Variants in OGG1 observed in about 807,000 individuals in gnomAD.
The protein encoded by OGG1 is 8-oxoguanine DNA glycosylase.
A neutral mutation model predicts 42.3 loss-of-function variants in OGG1; 35 were observed. The ratio of observed to expected loss-of-function variants is 0.83; its 90% CI spans 0.63 to 1.10. The LOEUF (loss-of-function observed/expected upper bound fraction) is 1.10. Ranked by LOEUF, OGG1 falls within the 50% of genes least tolerant of loss-of-function variation. OGG1 has a pLI of 0.00. For missense variants in OGG1, 484 were observed against 446.7 expected (o/e 1.08, Z -0.75); for synonymous variants, 189 against 179.0 (o/e 1.06, Z -0.44).
At chr3:9,789,215 T>C (rs1366814240), downstream of OGG1, among the ~76,000 whole-genome samples, 1 of 152,138 alleles carries the variant, frequency 6.6e-6, no homozygotes, top group Non-Finnish European at 1.5e-5. Context: ...GCTGTTTGGA[T>C]AGAAGTTGAT....
At chr3:9,773,081 T>C (rs1559710480) in intron 2 of OGG1, among the ~76,000 whole-genome samples, 1 of 151,748 alleles carries the variant, frequency 6.6e-6, no homozygotes, top group Non-Finnish European at 1.5e-5. Flanking sequence ...ATACAAAAAT[T>C]AGCTGGGTGT....
chr3:9,757,982 G>GC (rs899360263), downstream of OGG1: 8 of 1,426,100 alleles, frequency 5.6e-6, no homozygotes, highest in Non-Finnish European at 6.5e-6. The surrounding 1 kb of genome is among the most constrained non-coding windows in gnomAD (Gnocchi z 4.5). Context: ...TTCCCCTAAA[G>GC]CCCCCCAAAA....
chr3:9,780,156 T>C (rs2078425931), intron 2 of OGG1: 2 of 506,340 alleles, frequency 3.9e-6, no homozygotes, highest in Non-Finnish European at 6.9e-6. Flanking sequence ...AGACTAGGCC[T>C]CAGGCTAGCC....
At chr3:9,766,201 A>G (rs62245635) in exon 8 of OGG1, 34,107 of 762,508 alleles carry the variant, frequency 0.045, 1,031 homozygotes, top group Non-Finnish European at 0.058. Context: ...CTTTGCCACC[A>G]CCTGGGGAGA....
chr3:9,789,891 C>T, downstream of OGG1: 1 of 1,614,224 alleles, frequency 6.2e-7, no homozygotes, highest in Non-Finnish European at 8.5e-7. Context: ...TTGGGGGGAG[C>T]TCCAAGTTCA....
At chr3:9,773,221 T>G (rs560167162) in intron 2 of OGG1, among the ~76,000 whole-genome samples, 1 of 136,362 alleles carries the variant, frequency 7.3e-6, no homozygotes. Flanking sequence ...ACGGCAAGAC[T>G]ACATCTCAAA....
At position 9,787,798 on chromosome 3, in the gene OGG1, AGACT is replaced by A. The variant is rs1329456816; in HGVS notation, c.*72_*75del. 6.0e-5 allele frequency: 61 copies of A among 1,015,006 alleles called. No homozygotes were observed. In the East Asian group the frequency reaches 7.7e-4, roughly 13 times the overall value. 62.9% of individuals were successfully genotyped at this position (1,015,006 alleles called of 1,614,324 possible). On this transcript the variant is annotated 3_prime_UTR_variant, in exon 4 of 4. Transcript: ENST00000426518. Reference sequence around the variant, plus strand: ...AAAGTGTTGTGGCAGCACAAAGGAGAGACTGACTAACTTTCTGCTGGGGAATCTG... The same window carrying A: ...AAAGTGTTGTGGCAGCACAAAGGAGAGACTAACTTTCTGCTGGGGAATCTG...
At chr3:9,750,916 G>A in intron 1 of OGG1, 29 bp from the exon 2 acceptor site, 1 of 1,613,436 alleles carries the variant, frequency 6.2e-7, no homozygotes, top group Non-Finnish European at 8.5e-7. Context: ...GAAATTGAGT[G>A]CCAGGGTTGT....
downstream of OGG1, chr3:9,789,839 C>T (rs1174966289): frequency 6.2e-7 from 1 of 1,614,252 alleles, no homozygotes; most frequent in East Asian, 2.2e-5. Context: ...CGGCCCATGT[C>T]CTGCCTTCCC....
downstream of OGG1, among the ~76,000 whole-genome samples, chr3:9,768,978 T>C (rs1312113879): frequency 6.6e-6 from 1 of 151,666 alleles, no homozygotes; most frequent in African/African-American, 2.4e-5. Context: ...TCCACACACA[T>C]CCCTGTAGCA....
intron 2 of OGG1, among the ~76,000 whole-genome samples, chr3:9,775,251 C>CA (rs1195360065): frequency 2.0e-5 from 3 of 151,562 alleles, no homozygotes; most frequent in Admixed American, 1.3e-4. Context: ...AAAAAAACCC[C>CA]AAAAAAACAA....
At chr3:9,750,668 C>G in intron 1 of OGG1, 1 of 701,818 alleles carries the variant, frequency 1.4e-6, no homozygotes, top group Non-Finnish European at 2.4e-6. Context: ...GAGACAGGGT[C>G]TCGCTCTGTT....
chr3:9,756,898 G>T, intron 6 of OGG1, 82 bp downstream of exon 6: 2 of 1,612,142 alleles, frequency 1.2e-6, no homozygotes, highest in East Asian at 4.5e-5. Context: ...GCCCCAGGTG[G>T]CCCTAAAGGA....
chr3:9,757,858 G>A (rs764657198), downstream of OGG1: 2 of 1,595,314 alleles, frequency 1.3e-6, no homozygotes, highest in Admixed American at 1.7e-5. The surrounding 1 kb of genome is among the most constrained non-coding windows in gnomAD (Gnocchi z 4.5). Context: ...TGGCATTGAA[G>A]GCATTGAAGG....
intron 4 of OGG1, among the ~76,000 whole-genome samples, chr3:9,755,878 A>G (rs868861030): frequency 1.3e-5 from 2 of 152,064 alleles, no homozygotes; most frequent in Admixed American, 1.3e-4. Flanking sequence ...ATTCTCAGCC[A>G]TGTGACTTTG....
intron 3 of OGG1, among the ~76,000 whole-genome samples, chr3:9,785,926 C>T (rs886313033): frequency 1.3e-5 from 2 of 150,672 alleles, no homozygotes. Flanking sequence ...TCACACACTC[C>T]TCCTTGTTTT....
intron 7 of OGG1, among the ~76,000 whole-genome samples, chr3:9,764,737 A>C (rs867745653): frequency 6.8e-6 from 1 of 146,148 alleles, no homozygotes; most frequent in African/African-American, 2.5e-5. Context: ...GGTTTAAGCA[A>C]TTCTCCTGCC....
chr3:9,753,479 C>G (rs538168487), intron 3 of OGG1, among the ~76,000 whole-genome samples: 383 of 151,966 alleles, frequency 2.5e-3, no homozygotes, highest in African/African-American at 8.7e-3. Context: ...GGTGAAACCC[C>G]GTCTCTACTA....
chr3:9,775,476 C>T (rs1218545551), intron 2 of OGG1, among the ~76,000 whole-genome samples: 1 of 152,206 alleles, frequency 6.6e-6, no homozygotes, highest in African/African-American at 2.4e-5. Flanking sequence ...TTCACCCTCA[C>T]TCCCTCTCAT....
Sources: gnomAD v4.1 joint callset for allele counts (sites outside exome capture counted in the v4.1 genomes callset) on GRCh38, gnomAD v4.1.1 for gene constraint, Gnocchi (gnomAD v3.1) non-coding constraint, MANE v1.5 for transcripts, NCBI Gene and HGNC (gene_info 2026-07-23, HGNC 2026-07-21) for gene names.